Variants in ZNF536 observed in about 807,000 individuals in gnomAD.
ZNF536 encodes the protein zinc finger protein 536.
ZNF536 carries 13 observed loss-of-function variants against 84.5 expected under a neutral mutation model. The ratio of observed to expected loss-of-function variants is 0.15; its 90% CI spans 0.10 to 0.24. The LOEUF (loss-of-function observed/expected upper bound fraction) is 0.24, where lower values mean the gene tolerates loss of function less well. ZNF536 is among the 10% of genes least tolerant of loss of function. ZNF536 has a pLI of 1.00. For synonymous variants in ZNF536, 811 were observed against 742.5 expected (o/e 1.09, Z -1.50); for missense variants, 1,536 against 1,747.5 (o/e 0.88, Z 2.16).
intron 1 of ZNF536, among the ~76,000 whole-genome samples, chr19:30,700,306 C>G (rs1256030358): frequency 6.7e-6 from 1 of 148,598 alleles, no homozygotes; most frequent in Non-Finnish European, 1.5e-5. Flanking sequence ...CCTTCCCTCT[C>G]CCTCTTTCTT....
At chr19:30,550,428 A>G (rs2045729204) in intron 4 of ZNF536, among the ~76,000 whole-genome samples, 1 of 152,222 alleles carries the variant, frequency 6.6e-6, no homozygotes, top group Non-Finnish European at 1.5e-5. Flanking sequence ...CTCCGAAAAG[A>G]AGCTCCATGC....
chr19:30,323,614 C>G (rs564298823), intron 2 of ZNF536, among the ~76,000 whole-genome samples: 1 of 152,222 alleles, frequency 6.6e-6, no homozygotes, highest in Non-Finnish European at 1.5e-5. Context: ...TGAATCAGAT[C>G]CAGGGCTGCA....
intron 1 of ZNF536, among the ~76,000 whole-genome samples, chr19:30,423,380 C>T (rs2051065322): frequency 6.6e-6 from 1 of 152,062 alleles, no homozygotes; most frequent in African/African-American, 2.4e-5. Flanking sequence ...TGGGTGCCTC[C>T]AGCACTCAGG....
chr19:30,613,899 G>A (rs930614912), intron 1 of ZNF536, among the ~76,000 whole-genome samples: 4 of 152,172 alleles, frequency 2.6e-5, no homozygotes, highest in Admixed American at 6.5e-5. Context: ...GTATCACTCT[G>A]TTGTCCGGGC....
intron 1 of ZNF536, among the ~76,000 whole-genome samples, chr19:30,655,646 G>A (rs2049881265): frequency 1.3e-5 from 2 of 152,180 alleles, no homozygotes; most frequent in East Asian, 3.9e-4. Flanking sequence ...AAGATGGGGA[G>A]GGTTTGGCTA....
Position 30,619,137 on chromosome 19 carries a change from A to C in ZNF536, c.169+69623A>C, listed in dbSNP as rs566511535. On this transcript the variant is annotated intron_variant, in intron 1 of 1. Transcript: ENST00000592773. ...CCCCCATTTTTTGTGTGACTTTTCA[A>C]ATACTCTTTTTTTTCGGGTGCACTA... is the stretch of plus-strand genomic sequence containing the variant. Among the ~76,000 whole-genome samples the C allele has an allele frequency of 7.2e-5, 11 of 152,230 alleles. 1 individual carries two copies. Among genetic ancestry groups the C allele is most frequent in the African/African-American group, 2.4e-4 (10 of 41,550 alleles).
chr19:30,656,924 T>C (rs1259748881), intron 1 of ZNF536, among the ~76,000 whole-genome samples: 2 of 152,212 alleles, frequency 1.3e-5, no homozygotes, highest in Non-Finnish European at 2.9e-5. Context: ...TGAAGGCCTT[T>C]CTTTCCTTTA....
At chr19:30,523,368 G>T (rs1246969593) in intron 2 of ZNF536, among the ~76,000 whole-genome samples, 1 of 152,182 alleles carries the variant, frequency 6.6e-6, no homozygotes, top group Non-Finnish European at 1.5e-5. Context: ...TTTGAGACAT[G>T]AATTCTTGTG....
intron 2 of ZNF536, among the ~76,000 whole-genome samples, chr19:30,297,783 G>A (rs1264530977): frequency 2.6e-5 from 4 of 152,066 alleles, no homozygotes; most frequent in African/African-American, 9.7e-5. Flanking sequence ...TTATGCATGT[G>A]TATAGCATGG....
At chr19:30,709,775 C>T (rs67375056) in intron 1 of ZNF536, among the ~76,000 whole-genome samples, 43,837 of 151,984 alleles carry the variant, frequency 0.29, 6,814 homozygotes, top group East Asian at 0.43. Flanking sequence ...CAGGCATGTC[C>T]CTGGCTAATT....
At chr19:30,333,814 C>T (rs1234967219) in intron 2 of ZNF536, among the ~76,000 whole-genome samples, 3 of 152,176 alleles carry the variant, frequency 2.0e-5, no homozygotes, top group African/African-American at 4.8e-5. Context: ...CATCTATTCT[C>T]GCCCTAATGA....
intron 1 of ZNF536, among the ~76,000 whole-genome samples, chr19:30,630,399 CCGTG>C (rs1307709614): frequency 5.0e-5 from 3 of 59,770 alleles, no homozygotes; most frequent in South Asian, 8.3e-4. Flanking sequence ...AGGAAGTATC[CCGTG>C]TGTGTGTGTG....
At chr19:30,619,158 C>T in intron 1 of ZNF536, among the ~76,000 whole-genome samples, 1 of 151,948 alleles carries the variant, frequency 6.6e-6, no homozygotes, top group East Asian at 1.9e-4. Context: ...TTTTCGGGTG[C>T]ACTAGTTATG....
intron 2 of ZNF536, among the ~76,000 whole-genome samples, chr19:30,517,040 G>A (rs145530815): frequency 1.3e-3 from 199 of 152,220 alleles, no homozygotes; most frequent in African/African-American, 4.4e-3. Flanking sequence ...TGGTTCTCTG[G>A]TTGATCCATC....
intron 1 of ZNF536, among the ~76,000 whole-genome samples, chr19:30,398,020 T>C (rs943209171): frequency 2.6e-5 from 4 of 152,206 alleles, no homozygotes; most frequent in African/African-American, 7.2e-5. Context: ...TTGAAATAAT[T>C]ATAGATTGAT....
intron 1 of ZNF536, among the ~76,000 whole-genome samples, chr19:30,566,195 G>C (rs1394197223): frequency 6.6e-6 from 1 of 152,104 alleles, no homozygotes; most frequent in African/African-American, 2.4e-5. Flanking sequence ...TCTATGAGGG[G>C]TCACCCAGAA....
intron 2 of ZNF536, among the ~76,000 whole-genome samples, chr19:30,458,441 C>T (rs1248075759): frequency 8.1e-6 from 1 of 123,078 alleles, no homozygotes. Flanking sequence ...TCCTCAATTT[C>T]CTGCTGTTTT....
At chr19:30,499,297 C>A (rs1315293287) in intron 2 of ZNF536, among the ~76,000 whole-genome samples, 1 of 151,944 alleles carries the variant, frequency 6.6e-6, no homozygotes, top group African/African-American at 2.4e-5. Context: ...ATCTTTGCAT[C>A]TATGTATCTA....
In ZNF536 at chr19:30,410,465, CTTTTTTTTTTTTT is replaced by C. The variant is rs201561646; in HGVS notation, c.-2-33081_-2-33069del. Among the ~76,000 whole-genome samples the C allele has an allele frequency of 5.7e-5, 7 of 122,622 alleles. No individual in the cohort carries two copies. In the South Asian group the frequency reaches 1.1e-3, roughly 19 times the overall value. 80.4% of individuals were successfully genotyped at this position (122,622 alleles called of 152,430 possible). ...TAAATAAACAATGAAAAGTGAAGGT[CTTTTTTTTTTTTT>C]TTTTTTTTTTTTTTGAGACGGAGTC... On this transcript the variant is annotated intron_variant, in intron 1 of 4. Transcript: ENST00000355537.
Sources: gnomAD v4.1 joint callset for allele counts (sites outside exome capture counted in the v4.1 genomes callset) on GRCh38, gnomAD v4.1.1 for gene constraint, MANE v1.5 for transcripts, NCBI Gene and HGNC (gene_info 2026-07-23, HGNC 2026-07-21) for gene names.